Variants in SSC5D observed in about 807,000 individuals in gnomAD.
The protein encoded by SSC5D is scavenger receptor cysteine rich family member with 5 domains.
A neutral mutation model predicts 104.6 loss-of-function variants in SSC5D; 106 were observed. The ratio of observed to expected loss-of-function variants is 1.01; its 90% CI spans 0.87 to 1.19. The LOEUF (loss-of-function observed/expected upper bound fraction) is 1.19. Among genes scored for constraint, SSC5D ranks in the 50% most tolerant of loss-of-function variants. The pLI is 0.00. For missense variants in SSC5D, 1,993 were observed against 2,153.8 expected, an observed-to-expected ratio of 0.93 and a Z score of 1.48; for synonymous variants, 860 against 883.5, an observed-to-expected ratio of 0.97 and a Z score of 0.47.
Position 55,518,502 on chromosome 19 carries a change from A to G in SSC5D, c.4226A>G (p.Asp1409Gly). The G allele has an allele frequency of 6.4e-7, 1 of 1,550,944 alleles. No individual in the cohort carries two copies. The highest frequency in any genetic ancestry group is 8.7e-7 in the Non-Finnish European group (1 of 1,146,804). Reference protein sequence around the residue: ...ATSMDPLSTEDFKPPRSQSPN... With the variant: ...ATSMDPLSTEGFKPPRSQSPN... Reference sequence around the variant, plus strand: ...AGCATGGACCCACTGTCCACTGAGGACTTCAAGCCACCCAGAAGCCAGAGC... The same window carrying G: ...AGCATGGACCCACTGTCCACTGAGGGCTTCAAGCCACCCAGAAGCCAGAGC... Residue 1409 changes from aspartate to glycine, a missense_variant, in exon 14 of 14, where the codon GAC (aspartate) becomes GGC (glycine). Coordinates refer to ENST00000389623, the MANE Select transcript of SSC5D (RefSeq NM_001144950.2).
In SSC5D at chr19:55,500,892, G is replaced by A. The variant is rs769717508; in HGVS notation, c.2617+88G>A. ...GGGGCCAGGTGACGGCACCATGGTCGACTCTAAAGAACTGGGTATGAGGGG... is the reference window on the plus strand; with the variant it reads ...GGGGCCAGGTGACGGCACCATGGTCAACTCTAAAGAACTGGGTATGAGGGG... On this transcript the variant is annotated intron_variant, in intron 11 of 13. Transcript: ENST00000389623. The surrounding 1 kb of genome is among the most constrained non-coding windows in gnomAD (Gnocchi z 4.6). 11 of 1,492,332 alleles carry A rather than the reference G, an allele frequency of 7.4e-6. No individual in the cohort carries two copies. Among genetic ancestry groups the A allele is most frequent in the Middle Eastern group, 1.9e-4 (1 of 5,388 alleles). The allele number at this position is 1,492,332 out of a possible 1,614,324, so 92.4% of individuals were successfully genotyped here. A position where few individuals can be genotyped will look rare whatever the true frequency, so the allele number is the denominator to read the frequency against.
In SSC5D at chr19:55,500,457, C is replaced by A; in HGVS notation, c.2303-33C>A. ...GTGGGGAGAGAATGGGAGAGGCTGA[C>A]CCTCCCTCCTGACCTAAGGGCCTTC... On this transcript the variant is annotated intron_variant, in intron 10 of 13. Coordinates refer to ENST00000389623, the MANE Select transcript of SSC5D (RefSeq NM_001144950.2). The surrounding 1 kb of genome is among the most constrained non-coding windows in gnomAD (Gnocchi z 4.6). 6.5e-7 allele frequency: 1 copy of A among 1,548,062 alleles called. No homozygotes were observed. Among genetic ancestry groups the A allele is most frequent in the Non-Finnish European group, 8.7e-7 (1 of 1,144,402 alleles).
intron 2 of SSC5D, 26 bp downstream of exon 2, chr19:55,489,058 G>GGGGGGGGCC (rs2123425172): frequency 8.3e-7 from 1 of 1,203,770 alleles, no homozygotes; most frequent in Non-Finnish European, 1.1e-6. Flanking sequence ...CCTCCCATCT[G>GGGGGGGGCC]CCCGCCCCCC....
At position 55,505,659 on chromosome 19, in the gene SSC5D, C is replaced by T. The variant is rs146557976; in HGVS notation, c.2785+4458C>T. On this transcript the variant is annotated intron_variant, in intron 12 of 13. Transcript: ENST00000389623. Reference sequence around the variant, plus strand: ...GTGGCTCCATCCCCCATCATCAAAGCCAGCAACATTGCATCTCTCTGACCT... The same window carrying T: ...GTGGCTCCATCCCCCATCATCAAAGTCAGCAACATTGCATCTCTCTGACCT... Among the ~76,000 whole-genome samples, 120 of 151,860 alleles carry T rather than the reference C, an allele frequency of 7.9e-4. 3 individuals carry two copies. Among genetic ancestry groups the T allele is most frequent in the African/African-American group, 2.8e-3 (115 of 41,146 alleles).
Position 55,518,497 on chromosome 19 carries a change from T to G in SSC5D, c.4221T>G (p.Thr1407=), listed in dbSNP as rs1987945273. The change falls in exon 14 of 14, where the codon ACT becomes ACG. Residue 1407 remains threonine (T), a synonymous_variant. Transcript: ENST00000389623. ...STATSMDPLS[T]EDFKPPRSQS... ...CCACAAGCATGGACCCACTGTCCACTGAGGACTTCAAGCCACCCAGAAGCC... is the reference window on the plus strand; with the variant it reads ...CCACAAGCATGGACCCACTGTCCACGGAGGACTTCAAGCCACCCAGAAGCC... The G allele has an allele frequency of 3.2e-6, 5 of 1,550,966 alleles. No individual in the cohort carries two copies. The highest frequency in any genetic ancestry group is 4.4e-6 in the Non-Finnish European group (5 of 1,146,876).
Position 55,515,970 on chromosome 19 carries a change from C to T in SSC5D, c.2948-1254C>T, listed in dbSNP as rs190421833. On this transcript the variant is annotated intron_variant, in intron 13 of 13. Coordinates refer to ENST00000389623, the MANE Select transcript of SSC5D (RefSeq NM_001144950.2). ...CAAACTATGTCTGTGTGACCTTGGG[C>T]GAGTCACCTGCCCTCTTGCCCTAAT... is the stretch of plus-strand genomic sequence containing the variant. 3.2e-3 allele frequency among the ~76,000 whole-genome samples: 487 copies of T among 152,168 alleles called. 2 individuals carry two copies. Among genetic ancestry groups the T allele is most frequent in the African/African-American group, 0.011 (461 of 41,512 alleles).
In SSC5D at chr19:55,517,966, C is replaced by T. The variant is rs756819981; in HGVS notation, c.3690C>T (p.Pro1230=). 1.3e-6 allele frequency: 2 copies of T among 1,525,930 alleles called. No individual in the cohort carries two copies. The allele number at this position is 1,525,930 out of a possible 1,614,324, so 94.5% of individuals were successfully genotyped here. A position where few individuals can be genotyped will look rare whatever the true frequency, so the allele number is the denominator to read the frequency against. Residue 1230 remains proline (P), a synonymous_variant, in exon 14 of 14, where the codon CCC becomes CCT. Coordinates refer to ENST00000389623, the MANE Select transcript of SSC5D (RefSeq NM_001144950.2). The stretch of plus-strand genomic sequence containing the variant: ...CTCAACCCTTCACCACCATGCAGCC[C>T]ACCACAACCCCTCACTCCACAACCC... The part of the protein sequence containing the change: ...TTPQPFTTMQ[P]TTTPHSTTPH...
intron 1 of SSC5D, 31 bp downstream of exon 1, chr19:55,488,645 G>A: frequency 6.5e-7 from 1 of 1,546,802 alleles, no homozygotes; most frequent in Non-Finnish European, 8.7e-7. Context: ...GGGGACTCGG[G>A]GGGCCTAGGC....
At chr19:55,499,779 GTC>G in intron 9 of SSC5D, 35 bp from the exon 10 acceptor site, 2 of 1,502,548 alleles carry the variant, frequency 1.3e-6, no homozygotes, top group Non-Finnish European at 1.8e-6. Flanking sequence ...TCATCATGGT[GTC>G]TCTGTCTTCT....
intron 2 of SSC5D, 92 bp from the exon 3 acceptor site, chr19:55,489,262 C>T (rs1568472945): frequency 7.5e-7 from 1 of 1,339,762 alleles, no homozygotes; most frequent in Non-Finnish European, 9.7e-7. Flanking sequence ...ACAGACAGTA[C>T]CTGCAGGACA....
Position 55,509,132 on chromosome 19 carries a change from T to G in SSC5D, c.2786-3879T>G, listed in dbSNP as rs1244655818. On this transcript the variant is annotated intron_variant, in intron 12 of 13. Transcript: ENST00000389623. ...CTGGAGCTGGATGCTGTCCCTTAGC[T>G]GTGTTACCCCAAGAAAGTTTCTTGC... Among the ~76,000 whole-genome samples the G allele has an allele frequency of 2.0e-5, 3 of 152,196 alleles. No homozygotes were observed. In the East Asian group the frequency reaches 5.8e-4, roughly 29 times the overall value.
At chr19:55,493,994 G>GCCCCCCCCCCCCC in intron 7 of SSC5D, 82 bp downstream of exon 7, 2 of 143,310 alleles carry the variant, frequency 1.4e-5, no homozygotes, top group Non-Finnish European at 2.9e-5. Context: ...GGGCGGGGGG[G>GCCCCCCCCCCCCC]TCCCTACGCG....
chr19:55,498,199 T>C lies in SSC5D; in HGVS notation c.1705+2T>C. ...AGGATGTTGGGGTCACCTGCACTGG[T>C]AAGGAGGCCCTAGCTATCTGTTGAC... On this transcript the variant is annotated splice_donor_variant, in intron 9 of 13. Transcript: ENST00000389623. LOFTEE classifies it high-confidence loss of function. 1 of 1,551,504 alleles carries C rather than the reference T, an allele frequency of 6.4e-7. No homozygotes were observed. Among genetic ancestry groups the C allele is most frequent in the Non-Finnish European group, 8.7e-7 (1 of 1,146,888 alleles).
intron 9 of SSC5D, 63 bp from the exon 10 acceptor site, chr19:55,499,753 T>G: frequency 7.6e-7 from 1 of 1,313,116 alleles, no homozygotes; most frequent in Non-Finnish European, 1.1e-6. Context: ...AGGAGGGGCC[T>G]GGGTAGATGA....
At position 55,491,072 on chromosome 19, in the gene SSC5D, TCTGCA is replaced by T; in HGVS notation, c.889_893del (p.Cys297ArgfsTer32). On this transcript the variant is annotated frameshift_variant, in exon 6 of 14. Transcript: ENST00000389623. LOFTEE classifies it high-confidence loss of function. The stretch of plus-strand genomic sequence containing the variant: ...GACCACAGCGAGGATGCGGGGCTGG[TCTGCA>T]CCGGTACGTCGGGCTGGGGCCTGGC... 6.5e-7 allele frequency: 1 copy of T among 1,549,222 alleles called. No homozygotes were observed. The highest frequency in any genetic ancestry group is 1.2e-5 in the South Asian group (1 of 83,974).
intron 5 of SSC5D, 49 bp downstream of exon 5, chr19:55,490,457 C>T: frequency 4.5e-6 from 3 of 668,624 alleles, no homozygotes; most frequent in Non-Finnish European, 7.7e-6. Flanking sequence ...TGCTGTGAGG[C>T]CCAGGGCCCA....
chr19:55,510,707 T>C (rs1347133145), intron 12 of SSC5D, among the ~76,000 whole-genome samples: 1 of 151,916 alleles, frequency 6.6e-6, no homozygotes, highest in East Asian at 1.9e-4. Context: ...ATTTTTTCTT[T>C]TTTCTTTTTT....
At chr19:55,491,581 G>A (rs1204052395) in intron 6 of SSC5D, 2 of 158,898 alleles carry the variant, frequency 1.3e-5, no homozygotes, top group East Asian at 1.9e-4. Context: ...GGAGACTGAG[G>A]CAGGGTGGGG....
intron 7 of SSC5D, 82 bp downstream of exon 7, chr19:55,493,994 G>GGGGGCT: frequency 3.5e-5 from 5 of 143,310 alleles, no homozygotes; most frequent in South Asian, 1.6e-4. Context: ...GGGCGGGGGG[G>GGGGGCT]TCCCTACGCG....
Sources: gnomAD v4.1 joint callset for allele counts (sites outside exome capture counted in the v4.1 genomes callset) on GRCh38, gnomAD v4.1.1 for gene constraint, Gnocchi (gnomAD v3.1) non-coding constraint, MANE v1.5 for transcripts, NCBI Gene and HGNC (gene_info 2026-07-23, HGNC 2026-07-21) for gene names.